AGK: variants seen among roughly 807,000 people sequenced by gnomAD.
The protein encoded by AGK is acylglycerol kinase, mitochondrial.
Under a neutral mutation model 66.4 loss-of-function variants are expected in AGK, and 52 were observed. The observed-to-expected ratio is 0.78, with a 90% CI of 0.63 to 0.99. The LOEUF (loss-of-function observed/expected upper bound fraction) is 0.99, where lower values mean the gene tolerates loss of function less well. Ranked by LOEUF, AGK falls within the 50% of genes least tolerant of loss-of-function variation. The pLI, the probability that AGK is intolerant of heterozygous loss-of-function variation, is 0.00. For missense variants in AGK, 451 were observed against 506.6 expected, an observed-to-expected ratio of 0.89 and a Z score of 1.05; for synonymous variants, 182 against 181.1, an observed-to-expected ratio of 1.00 and a Z score of -0.04.
chr7:141,619,137 A>C (rs1454076405), intron 8 of AGK, among the ~76,000 whole-genome samples: 1 of 152,160 alleles, frequency 6.6e-6, no homozygotes, highest in African/African-American at 2.4e-5. Context: ...CTGATCTATA[A>C]ATTCAATACA....
intron 2 of AGK, among the ~76,000 whole-genome samples, chr7:141,581,423 T>C (rs1327655670): frequency 6.6e-6 from 1 of 151,942 alleles, no homozygotes; most frequent in African/African-American, 2.4e-5. Flanking sequence ...AAGGCACAGA[T>C]CCTGAACTAA....
intron 10 of AGK, among the ~76,000 whole-genome samples, chr7:141,636,455 G>A (rs536872183): frequency 1.3e-5 from 2 of 152,342 alleles, no homozygotes; most frequent in South Asian, 4.1e-4. Flanking sequence ...GGAATTGGCT[G>A]CACACCGAGT....
In AGK at chr7:141,593,124, T is replaced by C. The variant is rs2116921538; in HGVS notation, c.102-22T>C. 2 of 1,605,580 alleles carry C rather than the reference T, an allele frequency of 1.2e-6. 1 individual carries two copies. Among genetic ancestry groups the C allele is most frequent in the South Asian group, 2.2e-5 (2 of 90,830 alleles). ...ATAATCTATTAAAGCTAATGATTATTCTCTTTTGCTTACTTTGATAGTGAT... is the reference window on the plus strand; with the variant it reads ...ATAATCTATTAAAGCTAATGATTATCCTCTTTTGCTTACTTTGATAGTGAT... On this transcript the variant is annotated intron_variant, in intron 2 of 15. Transcript: ENST00000649286.
chr7:141,591,562 T>A (rs959571408), intron 2 of AGK, among the ~76,000 whole-genome samples: 1 of 152,194 alleles, frequency 6.6e-6, no homozygotes, highest in East Asian at 1.9e-4. Context: ...AAAGCTTGCT[T>A]ATTGTTTTTC....
intron 2 of AGK, among the ~76,000 whole-genome samples, chr7:141,586,661 A>T (rs1404370213): frequency 6.6e-6 from 1 of 152,184 alleles, no homozygotes; most frequent in African/African-American, 2.4e-5. Flanking sequence ...AGGAAGGGAT[A>T]AAATGATCCA....
chr7:141,586,622 G>T (rs766354933), intron 2 of AGK, among the ~76,000 whole-genome samples: 4 of 152,136 alleles, frequency 2.6e-5, no homozygotes, highest in Non-Finnish European at 5.9e-5. Context: ...TAAGGGCATG[G>T]GTTGTATTGT....
intron 11 of AGK, among the ~76,000 whole-genome samples, chr7:141,639,286 C>T (rs1797236391): frequency 6.6e-6 from 1 of 152,104 alleles, no homozygotes; most frequent in South Asian, 2.1e-4. Context: ...GCTACTCCTT[C>T]AAGAAACCTG....
At chr7:141,651,720 T>C (rs764609483) in intron 15 of AGK, 111 bp downstream of exon 15, 11 of 1,002,572 alleles carry the variant, frequency 1.1e-5, no homozygotes, top group Admixed American at 5.7e-5. Flanking sequence ...CTTAGGCACA[T>C]ATTGTGTGCC....
At chr7:141,558,567 T>C (rs894208326) in intron 2 of AGK, among the ~76,000 whole-genome samples, 1 of 152,172 alleles carries the variant, frequency 6.6e-6, no homozygotes, top group Non-Finnish European at 1.5e-5. Flanking sequence ...TTGACTATTG[T>C]GAAACATGCT....
At chr7:141,577,420 C>T (rs1043787804) in intron 2 of AGK, among the ~76,000 whole-genome samples, 1 of 152,202 alleles carries the variant, frequency 6.6e-6, no homozygotes, top group Non-Finnish European at 1.5e-5. Flanking sequence ...AGAACCACCC[C>T]CCAGTTCTGT....
intron 11 of AGK, among the ~76,000 whole-genome samples, chr7:141,640,767 G>A (rs912248037): frequency 2.0e-5 from 3 of 152,306 alleles, no homozygotes; most frequent in Non-Finnish European, 2.9e-5. Flanking sequence ...AAATTAGAGT[G>A]TGAGGGTGAT....
intron 15 of AGK, among the ~76,000 whole-genome samples, chr7:141,651,942 C>G (rs934579408): frequency 6.6e-6 from 1 of 152,120 alleles, no homozygotes; most frequent in Non-Finnish European, 1.5e-5. Flanking sequence ...AGAGAATTGT[C>G]TAGCTGGCAA....
intron 4 of AGK, among the ~76,000 whole-genome samples, chr7:141,597,817 G>A (rs2116929195): frequency 6.8e-6 from 1 of 147,702 alleles, no homozygotes; most frequent in Admixed American, 6.8e-5. Flanking sequence ...CCTAAGCCCA[G>A]GAGGTCGAGG....
intron 9 of AGK, 51 bp from the exon 10 acceptor site, chr7:141,633,850 G>A (rs760306674): frequency 4.0e-6 from 6 of 1,495,302 alleles, no homozygotes; most frequent in Non-Finnish European, 5.6e-6. Flanking sequence ...GATGTAAAGA[G>A]TTCTGAGTGA....
intron 2 of AGK, among the ~76,000 whole-genome samples, chr7:141,560,574 G>A (rs1022034168): frequency 4.0e-5 from 6 of 151,824 alleles, no homozygotes; most frequent in Non-Finnish European, 5.9e-5. Flanking sequence ...CCCGAGCAGC[G>A]TACACTGTAC....
At chr7:141,585,571 G>A (rs1795978775) in intron 2 of AGK, among the ~76,000 whole-genome samples, 1 of 152,170 alleles carries the variant, frequency 6.6e-6, no homozygotes, top group East Asian at 1.9e-4. Flanking sequence ...AGAAATTGCT[G>A]TACAATTTGC....
At chr7:141,613,392 G>A (rs1010757607) in intron 6 of AGK, among the ~76,000 whole-genome samples, 1 of 152,172 alleles carries the variant, frequency 6.6e-6, no homozygotes, top group South Asian at 2.1e-4. Context: ...GCCAAGGTGG[G>A]CGGATCACCT....
intron 2 of AGK, among the ~76,000 whole-genome samples, chr7:141,586,884 G>A (rs190974968): frequency 6.6e-6 from 1 of 152,240 alleles, no homozygotes; most frequent in Admixed American, 6.5e-5. Context: ...CATGATCAGG[G>A]TATCTCTTCC....
At chr7:141,597,912 A>G (rs1466750809) in intron 4 of AGK, among the ~76,000 whole-genome samples, 2 of 130,714 alleles carry the variant, frequency 1.5e-5, no homozygotes, top group Non-Finnish European at 1.7e-5. Flanking sequence ...AAAAAAAAAA[A>G]AAAAAAAGAA....
Sources: allele counts gnomAD v4.1 joint callset (sites outside exome capture counted in the v4.1 genomes callset), GRCh38; gene constraint gnomAD v4.1.1; transcripts MANE v1.5; gene names NCBI Gene and HGNC (gene_info 2026-07-23, HGNC 2026-07-21).